RPA1: variants seen among roughly 807,000 people sequenced by gnomAD.
RPA1 encodes the protein replication protein A1.
RPA1 carries 49 observed loss-of-function variants against 83.0 expected under a neutral mutation model. The observed-to-expected ratio is 0.59, with a 90% confidence interval of 0.47 to 0.75. RPA1 has a LOEUF of 0.75. Among genes scored for constraint, RPA1 ranks in the 30% least tolerant of loss-of-function variants. The pLI, the probability that RPA1 is intolerant of heterozygous loss-of-function variation, is 0.00. For synonymous variants in RPA1, 279 were observed against 281.8 expected (o/e 0.99, Z 0.10); for missense variants, 693 against 776.1 (o/e 0.89, Z 1.27).
chr17:1,854,171 T>C (rs1912602936), intron 5 of RPA1: 1 of 152,154 alleles, frequency 6.6e-6, no homozygotes, highest in Non-Finnish European at 1.5e-5. Context: ...TTCAGACAAT[T>C]CTAGAGAAAG....
intron 5 of RPA1, among the ~76,000 whole-genome samples, chr17:1,865,835 A>G (rs983495823): frequency 5.3e-5 from 8 of 152,152 alleles, no homozygotes; most frequent in African/African-American, 1.4e-4. Flanking sequence ...AGACCTCACT[A>G]TGCTGTTCAG....
At chr17:1,857,547 A>G (rs1447125659) in intron 5 of RPA1, among the ~76,000 whole-genome samples, 3 of 151,304 alleles carry the variant, frequency 2.0e-5, no homozygotes, top group African/African-American at 4.9e-5. Flanking sequence ...TCTTCTTTCA[A>G]TAACACTGTG....
intron 14 of RPA1, chr17:1,891,536 CAGCCT>C (rs2151292079): frequency 1.1e-5 from 2 of 186,426 alleles, no homozygotes; most frequent in Non-Finnish European, 2.2e-5. Flanking sequence ...TCTCCCGCCT[CAGCCT>C]CCTGAGTAGC....
intron 5 of RPA1, among the ~76,000 whole-genome samples, chr17:1,853,397 C>G (rs546713956): frequency 1.6e-4 from 24 of 152,048 alleles, no homozygotes; most frequent in African/African-American, 5.6e-4. Flanking sequence ...AATGGACAAA[C>G]GGGTTGGGTG....
At chr17:1,889,811 C>A (rs1914136190) in intron 14 of RPA1, among the ~76,000 whole-genome samples, 1 of 151,548 alleles carries the variant, frequency 6.6e-6, no homozygotes, top group Non-Finnish European at 1.5e-5. Context: ...ACCAGCCTGG[C>A]CAACATGGTG....
chr17:1,894,121 G>T (rs542164642), intron 15 of RPA1, among the ~76,000 whole-genome samples: 29 of 149,104 alleles, frequency 1.9e-4, no homozygotes, highest in Admixed American at 9.5e-4. Context: ...CTCCCACCTC[G>T]GTCTCCCAAA....
Position 1,897,554 on chromosome 17 carries a change from C to A in RPA1, c.*379C>A, listed in dbSNP as rs913221397. On this transcript the variant is annotated 3_prime_UTR_variant, in exon 17 of 17. Transcript: ENST00000254719. Reference sequence around the variant, plus strand: ...TTTTGCTTCTCCAGTGGTGACCACCCCCCCCCATCCCCGCTCACAACTTGG... The same window carrying A: ...TTTTGCTTCTCCAGTGGTGACCACCACCCCCCATCCCCGCTCACAACTTGG... The A allele has an allele frequency of 2.2e-4, 37 of 167,028 alleles. No homozygotes were observed. The highest frequency in any genetic ancestry group is 8.5e-4 in the Admixed American group (15 of 17,710). 10.3% of individuals were successfully genotyped at this position (167,028 alleles called of 1,614,324 possible). A position where few individuals can be genotyped will look rare whatever the true frequency, so the allele number is the denominator to read the frequency against.
intron 5 of RPA1, among the ~76,000 whole-genome samples, chr17:1,870,080 C>A (rs1913321935): frequency 6.6e-6 from 1 of 152,120 alleles, no homozygotes; most frequent in Non-Finnish European, 1.5e-5. Context: ...GTCCTGCTTC[C>A]CAGCTGTGTG....
intron 14 of RPA1, among the ~76,000 whole-genome samples, chr17:1,889,694 TAGC>T (rs1914132771): frequency 6.6e-6 from 1 of 151,990 alleles, no homozygotes; most frequent in South Asian, 2.1e-4. Context: ...TAGGCGATAA[TAGC>T]AGTTTAAGAA....
chr17:1,888,786 G>A lies in RPA1; in HGVS notation c.1486G>A (p.Gly496Arg). The A allele has an allele frequency of 2.5e-6, 4 of 1,614,206 alleles. No homozygotes were observed. The highest frequency in any genetic ancestry group is 3.4e-6 in the Non-Finnish European group (4 of 1,180,040). ...TAAGAAAGTGATTGATCAACAGAAT[G>A]GATTGTACCGCTGTGAGAAGTGCGA... ...CNKKVIDQQN[G>R]LYRCEKCDTE... The change falls in exon 14 of 17, where the codon GGA (glycine) becomes AGA (arginine). Residue 496 changes from glycine to arginine, a missense_variant. Transcript: ENST00000254719.
intron 13 of RPA1, among the ~76,000 whole-genome samples, chr17:1,886,847 G>T (rs1417018582): frequency 6.6e-6 from 1 of 151,800 alleles, no homozygotes; most frequent in Non-Finnish European, 1.5e-5. Context: ...TTTTTGTAGA[G>T]ACTAGGTCTC....
At chr17:1,868,722 C>G (rs1323528184) in intron 5 of RPA1, among the ~76,000 whole-genome samples, 1 of 152,036 alleles carries the variant, frequency 6.6e-6, no homozygotes, top group Non-Finnish European at 1.5e-5. Flanking sequence ...TTGGGCAACA[C>G]AGCGAGACCC....
intron 8 of RPA1, 131 bp from the exon 9 acceptor site, chr17:1,878,862 G>T (rs977971658): frequency 1.9e-5 from 15 of 810,220 alleles, no homozygotes; most frequent in Non-Finnish European, 2.9e-5. Context: ...GACCCTGTTT[G>T]TGCAAGGGCC....
At chr17:1,846,760 T>C (rs1396233993) in intron 4 of RPA1, among the ~76,000 whole-genome samples, 2 of 152,236 alleles carry the variant, frequency 1.3e-5, no homozygotes, top group Admixed American at 1.3e-4. Flanking sequence ...TTACATACGT[T>C]GTAGATAACT....
rs1461419554 is a variant in RPA1, at chr17:1,898,891, A to G, written c.*1716A>G. On this transcript the variant is annotated 3_prime_UTR_variant, in exon 17 of 17. Coordinates refer to ENST00000254719, the MANE Select transcript of RPA1 (RefSeq NM_002945.5). ...ATTACAGTCTTCAACCCTCTTCTGG[A>G]TTGACAAATTGTGGCTGGGAAGTGG... The G allele has an allele frequency of 6.6e-6, 1 of 152,648 alleles. No individual in the cohort carries two copies. Among genetic ancestry groups the G allele is most frequent in the East Asian group, 1.9e-4 (1 of 5,186 alleles). The allele number at this position is 152,648 out of a possible 1,614,324, so 9.5% of individuals were successfully genotyped here.
At position 1,898,362 on chromosome 17, in the gene RPA1, A is replaced by G. The variant is rs180956282; in HGVS notation, c.*1187A>G. The G allele has an allele frequency of 6.6e-6, 1 of 152,272 alleles. No homozygotes were observed. The highest frequency in any genetic ancestry group is 1.5e-5 in the Non-Finnish European group (1 of 68,056). 9.4% of individuals were successfully genotyped at this position (152,272 alleles called of 1,614,324 possible). On this transcript the variant is annotated 3_prime_UTR_variant, in exon 17 of 17. Transcript: ENST00000254719. ...CAACCACGCTTTGAAATGTGTACAGACAGTGAGCTGGTAAGAAAACAGTAA... is the reference window on the plus strand; with the variant it reads ...CAACCACGCTTTGAAATGTGTACAGGCAGTGAGCTGGTAAGAAAACAGTAA...
intron 16 of RPA1, among the ~76,000 whole-genome samples, chr17:1,896,466 A>G (rs933732156): frequency 2.4e-4 from 36 of 151,202 alleles, no homozygotes; most frequent in Admixed American, 8.6e-4. Context: ...TTCTGCGACT[A>G]CTATAAACAT....
intron 4 of RPA1, among the ~76,000 whole-genome samples, chr17:1,848,009 CCA>C (rs148521889): frequency 0.37 from 55,473 of 150,350 alleles, 12,458 homozygotes; most frequent in Non-Finnish European, 0.53. Context: ...GACCCCATCT[CCA>C]AAAAAAAAAA....
chr17:1,885,728 CTG>C (rs1913964422), intron 13 of RPA1, among the ~76,000 whole-genome samples: 1 of 152,138 alleles, frequency 6.6e-6, no homozygotes. Flanking sequence ...GTGTGAGCGA[CTG>C]TGCCCAGCCA....
Sources: allele counts gnomAD v4.1 joint callset (sites outside exome capture counted in the v4.1 genomes callset), GRCh38; gene constraint gnomAD v4.1.1; transcripts MANE v1.5; gene names NCBI Gene and HGNC (gene_info 2026-07-23, HGNC 2026-07-21).